BDNF: variants seen among roughly 807,000 people sequenced by gnomAD.
BDNF encodes brain derived neurotrophic factor, also known as neurotrophic factor BDNF precursor form.
Under a neutral mutation model 19.5 loss-of-function variants are expected in BDNF, and 1 was observed. The observed-to-expected ratio is 0.05, with a 90% CI of 0.02 to 0.24. The LOEUF (loss-of-function observed/expected upper bound fraction) is 0.24, where lower values mean the gene tolerates loss of function less well. Ranked by LOEUF, BDNF falls within the 10% of genes least tolerant of loss-of-function variation. BDNF has a pLI of 1.00. For synonymous variants in BDNF, 100 were observed against 121.6 expected, an observed-to-expected ratio of 0.82 and a Z score of 1.17; for missense variants, 195 against 317.6, an observed-to-expected ratio of 0.61 and a Z score of 2.93.
upstream of BDNF, among the ~76,000 whole-genome samples, chr11:27,704,841 G>A (rs561830151): frequency 2.0e-4 from 30 of 152,286 alleles, no homozygotes; most frequent in South Asian, 5.2e-3. Context: ...AGCTTTTTAT[G>A]AACCATAAGA....
At chr11:27,717,016 T>G (rs1054481726) in intron 1 of BDNF, among the ~76,000 whole-genome samples, 7 of 152,308 alleles carry the variant, frequency 4.6e-5, no homozygotes, top group African/African-American at 1.7e-4. Flanking sequence ...GCTCACTGCC[T>G]GATTTTGGAA....
upstream of BDNF, among the ~76,000 whole-genome samples, chr11:27,704,691 A>G (rs78613653): frequency 0.02 from 3,113 of 152,342 alleles, 111 homozygotes; most frequent in African/African-American, 0.07. Flanking sequence ...TTTCAAACTC[A>G]TCCTGGATAA....
rs904026342 is a variant in BDNF at position 27,656,582 on chromosome 11, C to G, written c.*1239G>C. The G allele has an allele frequency of 1.0e-6, 1 of 985,688 alleles. No individual in the cohort carries two copies. The highest frequency in any genetic ancestry group is 6.1e-5 in the Admixed American group (1 of 16,266). 61.1% of individuals were successfully genotyped at this position (985,688 alleles called of 1,614,324 possible). A position where few individuals can be genotyped will look rare whatever the true frequency, so the allele number is the denominator to read the frequency against. On this transcript the variant is annotated 3_prime_UTR_variant, in exon 2 of 2. Coordinates refer to ENST00000356660, the MANE Select transcript of BDNF (RefSeq NM_001709.5). ...CCCGCACTGCCGGTAAATGCAATGC[C>G]AACTCCACATAGCCTCCATTTGGCT...
intron 1 of BDNF, among the ~76,000 whole-genome samples, chr11:27,688,718 G>A (rs1468273739): frequency 6.6e-6 from 1 of 152,100 alleles, no homozygotes. Flanking sequence ...CCCTGCTTTG[G>A]CTCACCCTCC....
rs1052722584 is a variant in BDNF at position 27,687,552 on chromosome 11, A to G, written c.-22+12612T>C. The stretch of plus-strand genomic sequence containing the variant: ...TTTCCTCATCCTTGTGGATTTATCT[A>G]TGTTTGATCTTTGATGTTGGCGACC... On this transcript the variant is annotated intron_variant, in intron 1 of 1. Coordinates refer to ENST00000356660, the MANE Select transcript of BDNF (RefSeq NM_001709.5). 5.3e-5 allele frequency among the ~76,000 whole-genome samples: 8 copies of G among 152,220 alleles called. No individual in the cohort carries two copies. The South Asian group carries it at 1.5e-3, about 28-fold the overall frequency.
chr11:27,712,879 C>G (rs1361901787), intron 1 of BDNF, among the ~76,000 whole-genome samples: 2 of 150,998 alleles, frequency 1.3e-5, no homozygotes, highest in Non-Finnish European at 2.9e-5. Flanking sequence ...AGAGTTGAGT[C>G]CATGGCATGA....
intron 1 of BDNF, among the ~76,000 whole-genome samples, chr11:27,676,721 G>A (rs753668835): frequency 6.6e-6 from 1 of 152,190 alleles, no homozygotes. Flanking sequence ...TTGAGTAAGT[G>A]TAAAATCATT....
intron 1 of BDNF, chr11:27,699,628 T>C: frequency 6.9e-7 from 1 of 1,445,382 alleles, no homozygotes; most frequent in Non-Finnish European, 9.1e-7. Context: ...GACTTGTAAG[T>C]CCACTTCAGT....
At chr11:27,700,846 G>C (rs1381178054), upstream of BDNF, 3 of 1,245,064 alleles carry the variant, frequency 2.4e-6, no homozygotes, top group African/African-American at 4.6e-5. Flanking sequence ...TGGGGCGGGA[G>C]GGAGCGAGTG....
chr11:27,677,265 C>G (rs1334918617), intron 1 of BDNF: 1 of 152,194 alleles, frequency 6.6e-6, no homozygotes, highest in Non-Finnish European at 1.5e-5. Flanking sequence ...CTGTGCAGGA[C>G]AATTAGGCAA....
Position 27,700,312 on chromosome 11 carries a change from G to T in BDNF, c.-170C>A. 4 of 985,176 alleles carry T rather than the reference G, an allele frequency of 4.1e-6. No individual in the cohort carries two copies. Among genetic ancestry groups the T allele is most frequent in the Non-Finnish European group, 4.8e-6 (4 of 829,948 alleles). The allele number at this position is 985,176 out of a possible 1,614,324, so 61.0% of individuals were successfully genotyped here. A position where few individuals can be genotyped will look rare whatever the true frequency, so the allele number is the denominator to read the frequency against. ...GGTGGGTGTCTCATTAAAGCCCCCC[G>T]AGCAGGAGGTGGAGGGGCGCACCGG... On this transcript the variant is annotated 5_prime_UTR_variant, in exon 1 of 2. Transcript: ENST00000356660.
At chr11:27,703,600 G>C (rs1859996618), upstream of BDNF, among the ~76,000 whole-genome samples, 1 of 152,164 alleles carries the variant, frequency 6.6e-6, no homozygotes, top group South Asian at 2.1e-4. Context: ...GACTCTGATT[G>C]GGTGGGTCTA....
chr11:27,699,298 AGTCTGT>A, intron 1 of BDNF: 1 of 1,566,178 alleles, frequency 6.4e-7, no homozygotes, highest in Non-Finnish European at 8.8e-7. Flanking sequence ...GGATGCCCCT[AGTCTGT>A]AATCTCCCCT....
At chr11:27,720,589 G>C in intron 1 of BDNF, 1 of 985,660 alleles carries the variant, frequency 1.0e-6, no homozygotes, top group Non-Finnish European at 1.2e-6. Context: ...CCTCAGAAAA[G>C]ACGCTTTTTA....
chr11:27,656,476 T>G lies in BDNF; in HGVS notation c.*1345A>C. The G allele has an allele frequency of 1.1e-6, 1 of 933,674 alleles. No homozygotes were observed. The highest frequency in any genetic ancestry group is 1.3e-6 in the Non-Finnish European group (1 of 782,636). 57.8% of individuals were successfully genotyped at this position (933,674 alleles called of 1,614,324 possible). A position where few individuals can be genotyped will look rare whatever the true frequency, so the allele number is the denominator to read the frequency against. ...TCCAGAGCCACCTCTGAAGGGTCCTTCAGAGGCCTTCGTTTTGGAATGTCT... is the reference window on the plus strand; with the variant it reads ...TCCAGAGCCACCTCTGAAGGGTCCTGCAGAGGCCTTCGTTTTGGAATGTCT... On this transcript the variant is annotated 3_prime_UTR_variant, in exon 2 of 2. Coordinates refer to ENST00000356660, the MANE Select transcript of BDNF (RefSeq NM_001709.5).
intron 1 of BDNF, among the ~76,000 whole-genome samples, chr11:27,716,655 A>T (rs1343941729): frequency 6.6e-6 from 1 of 152,232 alleles, no homozygotes; most frequent in Non-Finnish European, 1.5e-5. Context: ...TTCAGAATAA[A>T]TTTAGTTTTC....
chr11:27,672,694 G>C lies in BDNF; in HGVS notation c.-21-14109C>G, dbSNP rs2049045. On this transcript the variant is annotated intron_variant, in intron 1 of 1. Transcript: ENST00000356660. ...ACCAAAATCTCTCTTCTTCGATAAA[G>C]TTCCCAGGAGGTAACCCAATTTCTA... Among the ~76,000 whole-genome samples the C allele has an allele frequency of 0.13, 19,058 of 152,150 alleles. 1,726 individuals carry two copies. The highest frequency in any genetic ancestry group is 0.18 in the Non-Finnish European group (12,537 of 67,982).
At chr11:27,665,048 G>A (rs1854082055) in intron 1 of BDNF, among the ~76,000 whole-genome samples, 1 of 152,138 alleles carries the variant, frequency 6.6e-6, no homozygotes, top group Non-Finnish European at 1.5e-5. Context: ...GGACCCAAAT[G>A]GCAGTTGACA....
At chr11:27,701,271 AAG>A (rs888179689), upstream of BDNF, 1 of 1,130,742 alleles carries the variant, frequency 8.8e-7, no homozygotes, top group African/African-American at 1.6e-5. Flanking sequence ...GAAAAACGGA[AAG>A]AGAAAGAAAG....
Sources: allele counts gnomAD v4.1 joint callset (sites outside exome capture counted in the v4.1 genomes callset), GRCh38; gene constraint gnomAD v4.1.1; transcripts MANE v1.5; gene names NCBI Gene and HGNC (gene_info 2026-07-23, HGNC 2026-07-21).